The following HEG1 variants were observed in gnomAD, a reference collection of about 807,000 sequenced individuals.
HEG1 encodes heart development protein with EGF like domains 1.
In HEG1, 56 loss-of-function variants were observed where a neutral mutation model predicts 125.6. The observed-to-expected ratio is 0.45, with a 90% CI of 0.36 to 0.56. The LOEUF (loss-of-function observed/expected upper bound fraction) is 0.56. Among genes scored for constraint, HEG1 ranks in the 20% least tolerant of loss-of-function variants. The pLI is 0.00. For missense variants in HEG1, 1,523 were observed against 1,670.0 expected (o/e 0.91, Z 1.53); for synonymous variants, 644 against 668.5 (o/e 0.96, Z 0.57).
chr3:124,980,401 T>C (rs908163588), intron 14 of HEG1, among the ~76,000 whole-genome samples: 1 of 152,258 alleles, frequency 6.6e-6, no homozygotes, highest in Non-Finnish European at 1.5e-5. Flanking sequence ...AAGTGACCCT[T>C]TCAAGTGGCT....
chr3:125,010,223 G>C lies in HEG1; in HGVS notation c.3073+216C>G, dbSNP rs1937136852. 2.6e-5 allele frequency among the ~76,000 whole-genome samples: 4 copies of C among 152,214 alleles called. No homozygotes were observed. In the South Asian group the frequency reaches 8.3e-4, roughly 32 times the overall value. On this transcript the variant is annotated intron_variant, in intron 7 of 16. Transcript: ENST00000311127. ...GAATAGGGTACAGTGTGGCAGGAGT[G>C]TTGGGAACAGACACAGATCAGGAAG...
rs1443113516 is a variant in HEG1, at chr3:125,010,573, G to A, written c.2957-18C>T. On this transcript the variant is annotated intron_variant, in intron 6 of 16. Transcript: ENST00000311127. ...GCTGTTGACTACAAACACATTCCAG[G>A]AGTAAAGCAGTTAACCACACAGGAA... 6.9e-7 allele frequency: 1 copy of A among 1,442,492 alleles called. No individual in the cohort carries two copies. The highest frequency in any genetic ancestry group is 9.5e-7 in the Non-Finnish European group (1 of 1,053,734). 89.4% of individuals were successfully genotyped at this position (1,442,492 alleles called of 1,614,324 possible).
In HEG1 at chr3:125,012,607, T is replaced by TAC; in HGVS notation, c.2956+15_2956+16insGT. 6.2e-7 allele frequency: 1 copy of TAC among 1,605,730 alleles called. No homozygotes were observed. The highest frequency in any genetic ancestry group is 8.5e-7 in the Non-Finnish European group (1 of 1,175,482). On this transcript the variant is annotated intron_variant, in intron 6 of 16. Coordinates refer to ENST00000311127, the MANE Select transcript of HEG1 (RefSeq NM_020733.2). Reference sequence around the variant, plus strand: ...GGGCCTTGCAGTTAACATGTGCTTGTGTGACTGTGTTTTACCTGAGGCTGA... The same window carrying TAC: ...GGGCCTTGCAGTTAACATGTGCTTGTACGTGACTGTGTTTTACCTGAGGCTGA...
chr3:125,025,376 G>A (rs546182983), intron 3 of HEG1, among the ~76,000 whole-genome samples: 2 of 152,160 alleles, frequency 1.3e-5, no homozygotes, highest in Non-Finnish European at 2.9e-5. Flanking sequence ...TATCTAAAAG[G>A]GTGGTGGGAC....
At position 125,002,822 on chromosome 3, in the gene HEG1, C is replaced by T. The variant is rs1579410502; in HGVS notation, c.3298-507G>A. ...AAATTACATTATGTGGGTCAAGAGCCCCTTTGTTGAGAGCAAATTAAGAGC... is the reference window on the plus strand; with the variant it reads ...AAATTACATTATGTGGGTCAAGAGCTCCTTTGTTGAGAGCAAATTAAGAGC... On this transcript the variant is annotated intron_variant, in intron 9 of 16. Coordinates refer to ENST00000311127, the MANE Select transcript of HEG1 (RefSeq NM_020733.2). Among the ~76,000 whole-genome samples the T allele has an allele frequency of 5.3e-5, 8 of 152,298 alleles. No individual in the cohort carries two copies. The South Asian group carries it at 1.5e-3, about 28-fold the overall frequency.
chr3:124,988,248 A>G, intron 14 of HEG1, among the ~76,000 whole-genome samples: 1 of 151,954 alleles, frequency 6.6e-6, no homozygotes, highest in Non-Finnish European at 1.5e-5. Context: ...TCCTAAACAC[A>G]AAAGCATAAA....
chr3:125,049,989 G>A (rs977555677), intron 1 of HEG1, among the ~76,000 whole-genome samples: 2 of 152,116 alleles, frequency 1.3e-5, no homozygotes, highest in African/African-American at 4.8e-5. Flanking sequence ...CTCCTTTCCA[G>A]TCTTGTCTTC....
intron 5 of HEG1, among the ~76,000 whole-genome samples, chr3:125,017,630 T>A (rs1052485824): frequency 2.0e-5 from 3 of 152,120 alleles, no homozygotes; most frequent in Non-Finnish European, 2.9e-5. Context: ...GGTGGGAATA[T>A]AAAATGATGC....
intron 14 of HEG1, among the ~76,000 whole-genome samples, chr3:124,983,535 A>G (rs1415164802): frequency 1.4e-5 from 2 of 147,406 alleles, no homozygotes; most frequent in East Asian, 2.0e-4. Context: ...AGGTCTCGCT[A>G]TGTTGCCCAG....
Position 125,002,237 on chromosome 3 carries a change from A to G in HEG1, c.3356+20T>C. The G allele has an allele frequency of 6.2e-7, 1 of 1,606,086 alleles. No individual in the cohort carries two copies. Among genetic ancestry groups the G allele is most frequent in the Non-Finnish European group, 8.5e-7 (1 of 1,173,784 alleles). ...CTTTGTACAGACTAGTTCACAAGCAAATATAATTCTGTTACTTACCTAGAG... is the reference window on the plus strand; with the variant it reads ...CTTTGTACAGACTAGTTCACAAGCAGATATAATTCTGTTACTTACCTAGAG... On this transcript the variant is annotated intron_variant, in intron 10 of 16. Transcript: ENST00000311127.
rs1235927234 is a variant in HEG1, at chr3:124,966,709, A to G, written c.*3943T>C. On this transcript the variant is annotated 3_prime_UTR_variant, in exon 17 of 17. Coordinates refer to ENST00000311127, the MANE Select transcript of HEG1 (RefSeq NM_020733.2). ...AGTCTCAAAATTTGTGTATTTTAGA[A>G]CTATGGGTCAAAACCCTGTGTGTTA... 1 of 152,232 alleles carries G rather than the reference A, an allele frequency of 6.6e-6. No individual in the cohort carries two copies. The highest frequency in any genetic ancestry group is 2.4e-5 in the African/African-American group (1 of 41,474). 9.4% of individuals were successfully genotyped at this position (152,232 alleles called of 1,614,324 possible).
chr3:124,984,969 T>C (rs1936715114), intron 14 of HEG1, among the ~76,000 whole-genome samples: 1 of 152,190 alleles, frequency 6.6e-6, no homozygotes, highest in Non-Finnish European at 1.5e-5. Context: ...AGTGAAAACA[T>C]TCCACAGTTT....
intron 12 of HEG1, among the ~76,000 whole-genome samples, chr3:124,991,294 C>T (rs1471480132): frequency 6.6e-6 from 1 of 150,902 alleles, no homozygotes; most frequent in African/African-American, 2.4e-5. Flanking sequence ...GGATTACAGG[C>T]ATGTGCCACC....
intron 1 of HEG1, among the ~76,000 whole-genome samples, chr3:125,031,612 A>G (rs894412986): frequency 1.3e-5 from 2 of 152,104 alleles, no homozygotes; most frequent in Admixed American, 1.3e-4. Flanking sequence ...CCATCGGACA[A>G]GTAGAGGCTG....
At chr3:125,023,676 T>C (rs144590733) in intron 3 of HEG1, among the ~76,000 whole-genome samples, 2 of 152,316 alleles carry the variant, frequency 1.3e-5, no homozygotes, top group Non-Finnish European at 2.9e-5. Flanking sequence ...GGGGGAAATG[T>C]ACCACATTTC....
At chr3:125,029,126 A>G in intron 2 of HEG1, 69 bp downstream of exon 2, 1 of 1,497,048 alleles carries the variant, frequency 6.7e-7, no homozygotes, top group Non-Finnish European at 9.0e-7. Flanking sequence ...GTTGTGGGGA[A>G]TGGCAGAAAC....
chr3:124,977,457 T>C (rs933622466), intron 15 of HEG1, among the ~76,000 whole-genome samples: 2 of 152,216 alleles, frequency 1.3e-5, no homozygotes, highest in African/African-American at 4.8e-5. Flanking sequence ...TCCTTCTATA[T>C]TCTAGATACA....
intron 14 of HEG1, among the ~76,000 whole-genome samples, chr3:124,978,834 TAAATA>T: frequency 6.6e-6 from 1 of 150,820 alleles, no homozygotes; most frequent in African/African-American, 2.4e-5. Flanking sequence ...AATAAATAAA[TAAATA>T]AATAAAAAAG....
At chr3:124,982,758 C>T (rs1240010800) in intron 14 of HEG1, among the ~76,000 whole-genome samples, 1 of 152,212 alleles carries the variant, frequency 6.6e-6, no homozygotes, top group Non-Finnish European at 1.5e-5. Context: ...CTTCCATCTG[C>T]AGCCGGGGGT....
Sources: gnomAD v4.1 joint callset for allele counts (sites outside exome capture counted in the v4.1 genomes callset) on GRCh38, gnomAD v4.1.1 for gene constraint, MANE v1.5 for transcripts, NCBI Gene and HGNC (gene_info 2026-07-23, HGNC 2026-07-21) for gene names.